GAS7: variants seen among roughly 807,000 people sequenced by gnomAD.
GAS7 encodes the protein growth arrest specific 7, also known as growth arrest-specific protein 7.
A neutral mutation model predicts 71.1 loss-of-function variants in GAS7; 28 were observed. The observed-to-expected ratio is 0.39, with a 90% confidence interval of 0.29 to 0.54. The LOEUF (loss-of-function observed/expected upper bound fraction) is 0.54, where lower values mean the gene tolerates loss of function less well. Ranked by LOEUF, GAS7 falls within the 20% of genes least tolerant of loss-of-function variation. The probability of loss-of-function intolerance (pLI) is 0.62; values close to 1 mark genes in which losing one functional copy is unlikely to be tolerated. For missense variants in GAS7, 436 were observed against 627.8 expected (o/e 0.69, Z 3.27); for synonymous variants, 258 against 245.8 (o/e 1.05, Z -0.46).
At position 9,974,308 on chromosome 17, in the gene GAS7, T is replaced by C. The variant is rs745946439; in HGVS notation, c.386-4546A>G. 1.5e-4 allele frequency among the ~76,000 whole-genome samples: 23 copies of C among 152,070 alleles called. No homozygotes were observed. The highest frequency in any genetic ancestry group is 2.7e-4 in the African/African-American group (11 of 41,406). The stretch of plus-strand genomic sequence containing the variant: ...GTCTCAGTGGAGATCTAGACAGTTA[T>C]AGCCCACAAGATCCTGGCAACCCTC... On this transcript the variant is annotated intron_variant, in intron 3 of 13. Coordinates refer to ENST00000432992, the MANE Select transcript of GAS7 (RefSeq NM_201433.2). The surrounding 1 kb of genome is among the most constrained non-coding windows in gnomAD (Gnocchi z 4.0).
intron 9 of GAS7, among the ~76,000 whole-genome samples, chr17:9,928,106 T>G (rs1243504356): frequency 1.3e-5 from 2 of 151,736 alleles, no homozygotes; most frequent in African/African-American, 4.8e-5. Flanking sequence ...ATTTATTTAT[T>G]TTTTATTTAT....
rs137919692 is a variant in GAS7, at chr17:9,981,579, G to A, written c.385+225C>T. Among the ~76,000 whole-genome samples the A allele has an allele frequency of 5.8e-3, 889 of 152,232 alleles. 6 individuals are homozygous for A. The highest frequency in any genetic ancestry group is 0.02 in the African/African-American group (822 of 41,560). The stretch of plus-strand genomic sequence containing the variant: ...CCCCAGCCATCTCCTCCCACTAAGC[G>A]CCTGAGGAGGAGTGTGCAGGAGGCC... On this transcript the variant is annotated intron_variant, in intron 3 of 13. Coordinates refer to ENST00000432992, the MANE Select transcript of GAS7 (RefSeq NM_201433.2). This position sits in a 1 kb window ranked among gnomAD's most constrained non-coding sequence, Gnocchi z 4.4.
intron 1 of GAS7, among the ~76,000 whole-genome samples, chr17:10,197,646 C>T (rs2142161463): frequency 6.6e-6 from 1 of 152,142 alleles, no homozygotes; most frequent in East Asian, 1.9e-4. Context: ...CTACGGCACC[C>T]CAGGATCAAG....
chr17:9,945,049 T>C (rs1048977567), intron 6 of GAS7, among the ~76,000 whole-genome samples: 6 of 152,152 alleles, frequency 3.9e-5, no homozygotes, highest in Non-Finnish European at 8.8e-5. Flanking sequence ...CTCCGGATGC[T>C]GCTGGATGCA....
At chr17:9,945,488 C>T (rs905959982) in intron 6 of GAS7, among the ~76,000 whole-genome samples, 1 of 152,044 alleles carries the variant, frequency 6.6e-6, no homozygotes, top group African/African-American at 2.4e-5. Context: ...AAGATAAGCC[C>T]CTTTATACTG....
intron 9 of GAS7, among the ~76,000 whole-genome samples, chr17:9,931,953 G>A (rs1317828380): frequency 6.6e-6 from 1 of 152,192 alleles, no homozygotes; most frequent in Non-Finnish European, 1.5e-5. Context: ...ACTTGCAATT[G>A]CAGTAGGAAC....
chr17:10,108,738 C>G (rs916369011), intron 1 of GAS7, among the ~76,000 whole-genome samples: 4 of 152,176 alleles, frequency 2.6e-5, no homozygotes, highest in Non-Finnish European at 5.9e-5. Context: ...GAGGAAAGGA[C>G]AGTCTCTTCA....
rs561487515 is a variant in GAS7 at position 9,971,448 on chromosome 17, C to T, written c.386-1686G>A. Among the ~76,000 whole-genome samples the T allele has an allele frequency of 4.6e-5, 7 of 152,026 alleles. No individual in the cohort carries two copies. The South Asian group carries it at 6.3e-4, about 14-fold the overall frequency. ...GGTGTGGTGGCTCATGTCTGTAGTT[C>T]CAGTAACTCGGGAGGCTGAGGTGGG... is the stretch of plus-strand genomic sequence containing the variant. On this transcript the variant is annotated intron_variant, in intron 3 of 13. Transcript: ENST00000432992.
chr17:10,174,528 TA>T (rs200459621), intron 1 of GAS7, among the ~76,000 whole-genome samples: 12,517 of 151,872 alleles, frequency 0.082, 621 homozygotes, highest in Admixed American at 0.11. Context: ...CCGTCTCTAC[TA>T]AAAATACAAA....
At chr17:9,983,172 T>G (rs1292633596) in intron 2 of GAS7, among the ~76,000 whole-genome samples, 3 of 152,084 alleles carry the variant, frequency 2.0e-5, no homozygotes, top group Admixed American at 2.0e-4. Context: ...AGATTCTTTT[T>G]ATGTATAAAT....
In GAS7 at chr17:9,914,037, C is replaced by T. The variant is rs1011584355; in HGVS notation, c.*3191G>A. On this transcript the variant is annotated 3_prime_UTR_variant, in exon 14 of 14. Coordinates refer to ENST00000432992, the MANE Select transcript of GAS7 (RefSeq NM_201433.2). ...TAAAACAAAACAACAACCCGGATAG[C>T]GTGCTTGCCTCTCCAAAGTGCAGTC... 1.3e-5 allele frequency: 3 copies of T among 229,052 alleles called. No homozygotes were observed. The highest frequency in any genetic ancestry group is 6.7e-5 in the African/African-American group (3 of 45,044). 14.2% of individuals were successfully genotyped at this position (229,052 alleles called of 1,614,324 possible).
chr17:10,030,676 G>T (rs1178834964), intron 1 of GAS7, among the ~76,000 whole-genome samples: 2 of 152,216 alleles, frequency 1.3e-5, no homozygotes, highest in East Asian at 1.9e-4. Context: ...GTCCCTAAAA[G>T]AAACTTCTCA....
chr17:10,005,214 CGCGTGTGCATGTATGTGT>C (rs2071463761), intron 2 of GAS7, among the ~76,000 whole-genome samples: 4 of 147,394 alleles, frequency 2.7e-5, no homozygotes, highest in African/African-American at 1.1e-4. Flanking sequence ...TGTGCATGTG[CGCGTGTGCATGTATGTGT>C]ATGTGCGCGC....
Position 9,912,530 on chromosome 17 carries a change from C to G in GAS7, c.*4698G>C, listed in dbSNP as rs866658397. Reference sequence around the variant, plus strand: ...AGCCAAGGACCGTGTGACACTGAAGCCTGGGTCCCAGAAGGGAGCAGATCT... The same window carrying G: ...AGCCAAGGACCGTGTGACACTGAAGGCTGGGTCCCAGAAGGGAGCAGATCT... On this transcript the variant is annotated 3_prime_UTR_variant, in exon 14 of 14. Coordinates refer to ENST00000432992, the MANE Select transcript of GAS7 (RefSeq NM_201433.2). The G allele has an allele frequency of 1.3e-4, 30 of 232,916 alleles. No individual in the cohort carries two copies. Among genetic ancestry groups the G allele is most frequent in the African/African-American group, 6.4e-4 (29 of 45,326 alleles). 14.4% of individuals were successfully genotyped at this position (232,916 alleles called of 1,614,324 possible).
At chr17:10,003,707 C>T (rs563325787) in intron 2 of GAS7, among the ~76,000 whole-genome samples, 123 of 152,354 alleles carry the variant, frequency 8.1e-4, no homozygotes, top group Admixed American at 2.1e-3. Context: ...CTGCACAGCA[C>T]GGCGCATCAT....
intron 2 of GAS7, among the ~76,000 whole-genome samples, chr17:9,985,521 A>C (rs944357712): frequency 1.3e-5 from 2 of 152,204 alleles, no homozygotes; most frequent in Non-Finnish European, 2.9e-5. Flanking sequence ...GTCTCAACTA[A>C]AATGTCTCTT....
intron 2 of GAS7, among the ~76,000 whole-genome samples, chr17:9,999,818 A>G (rs2071195365): frequency 6.6e-6 from 1 of 152,246 alleles, no homozygotes; most frequent in South Asian, 2.1e-4. Context: ...GATAGAGAAG[A>G]TCACACAAAA....
chr17:10,064,377 A>T (rs1219764673), intron 1 of GAS7, among the ~76,000 whole-genome samples: 1 of 152,228 alleles, frequency 6.6e-6, no homozygotes, highest in Non-Finnish European at 1.5e-5. Context: ...GGGCCTGCCC[A>T]GCAGGCCATA....
At chr17:10,099,206 C>T (rs1431387969) in intron 1 of GAS7, among the ~76,000 whole-genome samples, 3 of 152,118 alleles carry the variant, frequency 2.0e-5, no homozygotes, top group Non-Finnish European at 4.4e-5. Context: ...TGGAGACACA[C>T]CCATCCAAAC....
Sources: allele counts gnomAD v4.1 joint callset (sites outside exome capture counted in the v4.1 genomes callset), GRCh38; gene constraint gnomAD v4.1.1; non-coding constraint Gnocchi (gnomAD v3.1); transcripts MANE v1.5; gene names NCBI Gene and HGNC (gene_info 2026-07-23, HGNC 2026-07-21).